The following ADGRB3 variants were observed in gnomAD, a reference collection of about 807,000 sequenced individuals.
The protein encoded by ADGRB3 is brain-specific angiogenesis inhibitor 3.
ADGRB3 carries 37 observed loss-of-function variants against 193.4 expected under a neutral mutation model. The ratio of observed to expected loss-of-function variants is 0.19; its 90% confidence interval spans 0.15 to 0.25. The LOEUF (loss-of-function observed/expected upper bound fraction) is 0.25. ADGRB3 is among the 10% of genes least tolerant of loss of function. The pLI is 1.00. For missense variants in ADGRB3, 1,637 were observed against 1,852.9 expected (o/e 0.88, Z 2.14); for synonymous variants, 690 against 644.2 (o/e 1.07, Z -1.08).
intron 17 of ADGRB3, among the ~76,000 whole-genome samples, chr6:69,104,705 T>G (rs1773161768): frequency 6.6e-6 from 1 of 152,152 alleles, no homozygotes; most frequent in African/African-American, 2.4e-5. Flanking sequence ...ACACAATATG[T>G]GTTTCAGTAA....
intron 17 of ADGRB3, among the ~76,000 whole-genome samples, chr6:69,175,019 A>C (rs766574045): frequency 6.6e-6 from 1 of 152,164 alleles, no homozygotes; most frequent in African/African-American, 2.4e-5. Flanking sequence ...CCCTTGTCAC[A>C]TGCATACTTT....
chr6:68,659,090 C>T (rs1369765558), intron 3 of ADGRB3, among the ~76,000 whole-genome samples: 2 of 150,598 alleles, frequency 1.3e-5, no homozygotes, highest in Admixed American at 6.6e-5. Context: ...TTTTATTTAC[C>T]TGAGAACCAA....
In ADGRB3 at chr6:68,839,063, CTCTCTCTG is replaced by C. The variant is rs1478602543; in HGVS notation, c.758-91485_758-91478del. On this transcript the variant is annotated intron_variant, in intron 3 of 31. Transcript: ENST00000370598. ...TCTCTTTCTCTCTCTCTTCCTTCCT[CTCTCTCTG>C]TCTCTCTGTCACACACACACACACA... Among the ~76,000 whole-genome samples, 6 of 107,338 alleles carry C rather than the reference CTCTCTCTG, an allele frequency of 5.6e-5. No homozygotes were observed. The East Asian group carries it at 1.1e-3, about 19-fold the overall frequency. 70.4% of individuals were successfully genotyped at this position (107,338 alleles called of 152,430 possible). A position where few individuals can be genotyped will look rare whatever the true frequency, so the allele number is the denominator to read the frequency against.
chr6:69,354,746 T>A (rs1442364754), intron 27 of ADGRB3, among the ~76,000 whole-genome samples: 1 of 152,142 alleles, frequency 6.6e-6, no homozygotes, highest in Non-Finnish European at 1.5e-5. Flanking sequence ...AATCAAAATA[T>A]TGGGAGTAGG....
intron 16 of ADGRB3, among the ~76,000 whole-genome samples, chr6:69,065,963 T>C (rs1771891866): frequency 6.6e-6 from 1 of 152,090 alleles, no homozygotes; most frequent in South Asian, 2.1e-4. Flanking sequence ...CACTGTATTA[T>C]GGTATTAGGT....
chr6:68,884,024 T>C (rs567644093), intron 3 of ADGRB3, among the ~76,000 whole-genome samples: 1 of 149,038 alleles, frequency 6.7e-6, no homozygotes, highest in African/African-American at 2.4e-5. Context: ...TTTTAAAAAA[T>C]GATTTGACTA....
At chr6:69,256,253 G>C (rs932980879) in intron 20 of ADGRB3, among the ~76,000 whole-genome samples, 2 of 151,882 alleles carry the variant, frequency 1.3e-5, no homozygotes, top group African/African-American at 4.8e-5. Context: ...GTCATTGGTA[G>C]CTTGATGGGG....
At chr6:69,140,522 G>T (rs764580137) in intron 17 of ADGRB3, among the ~76,000 whole-genome samples, 8 of 152,122 alleles carry the variant, frequency 5.3e-5, no homozygotes, top group Non-Finnish European at 1.0e-4. Context: ...GCGCCAGGAG[G>T]AAGTGGGGTG....
chr6:69,000,128 G>A (rs1769524110), intron 11 of ADGRB3, among the ~76,000 whole-genome samples: 1 of 152,018 alleles, frequency 6.6e-6, no homozygotes, highest in Non-Finnish European at 1.5e-5. Flanking sequence ...AGCCTGTCCA[G>A]CTATCTTAGT....
intron 20 of ADGRB3, among the ~76,000 whole-genome samples, chr6:69,264,518 T>G (rs1766999176): frequency 6.6e-6 from 1 of 151,978 alleles, no homozygotes; most frequent in East Asian, 1.9e-4. Context: ...ATCTCCTTTT[T>G]TTTTTATTTA....
intron 3 of ADGRB3, among the ~76,000 whole-genome samples, chr6:68,744,451 A>T (rs144086817): frequency 6.6e-6 from 1 of 152,136 alleles, no homozygotes; most frequent in East Asian, 1.9e-4. Context: ...TGTTTATTGC[A>T]GCACTATTTA....
intron 3 of ADGRB3, among the ~76,000 whole-genome samples, chr6:68,643,231 C>G (rs1768122780): frequency 6.6e-6 from 1 of 152,150 alleles, no homozygotes; most frequent in Non-Finnish European, 1.5e-5. Context: ...TTCTACTCCC[C>G]AAAGGAAGTC....
rs371523132 is a variant in ADGRB3, at chr6:69,388,670, A to C, written c.4381-33A>C. On this transcript the variant is annotated intron_variant, in intron 31 of 31. Coordinates refer to ENST00000370598, the MANE Select transcript of ADGRB3 (RefSeq NM_001704.3). ...AACTAGCGGTGATCCTGGTCATCAC[A>C]TAAATGACTCTCTTTCCCTCTCTTC... 7.5e-6 allele frequency: 12 copies of C among 1,589,816 alleles called. No homozygotes were observed. In the African/African-American group the frequency reaches 1.5e-4, roughly 20 times the overall value.
At chr6:68,730,695 C>T (rs1009293979) in intron 3 of ADGRB3, among the ~76,000 whole-genome samples, 4 of 151,588 alleles carry the variant, frequency 2.6e-5, no homozygotes, top group Admixed American at 1.3e-4. Flanking sequence ...CGGTAAAACT[C>T]AAGAGTCAAT....
intron 3 of ADGRB3, among the ~76,000 whole-genome samples, chr6:68,720,411 T>C (rs1481635434): frequency 3.3e-5 from 5 of 151,730 alleles, no homozygotes; most frequent in African/African-American, 1.2e-4. Context: ...TGACTAACCT[T>C]GGGCTTTTTA....
chr6:68,656,967 C>T (rs1712640591), intron 3 of ADGRB3, among the ~76,000 whole-genome samples: 2 of 151,476 alleles, frequency 1.3e-5, no homozygotes, highest in Admixed American at 1.3e-4. Flanking sequence ...TCTCTTAATT[C>T]AGGTTTTTTA....
chr6:69,101,942 C>A (rs1773068933), intron 17 of ADGRB3, among the ~76,000 whole-genome samples: 1 of 152,074 alleles, frequency 6.6e-6, no homozygotes, highest in South Asian at 2.1e-4. Context: ...GTAATCCCAG[C>A]ACTTTGGGAG....
At chr6:69,359,303 T>A (rs746899877) in intron 28 of ADGRB3, among the ~76,000 whole-genome samples, 3 of 151,656 alleles carry the variant, frequency 2.0e-5, no homozygotes, top group Middle Eastern at 3.4e-3. Context: ...CTATGTCATG[T>A]ATCATTACTC....
intron 3 of ADGRB3, among the ~76,000 whole-genome samples, chr6:68,918,479 A>C (rs576844475): frequency 5.3e-5 from 8 of 152,292 alleles, no homozygotes; most frequent in African/African-American, 1.7e-4. Flanking sequence ...ACCCAGATAC[A>C]AGTAAAAGAA....
Sources: gnomAD v4.1 joint callset for allele counts (sites outside exome capture counted in the v4.1 genomes callset) on GRCh38, gnomAD v4.1.1 for gene constraint, MANE v1.5 for transcripts, NCBI Gene and HGNC (gene_info 2026-07-23, HGNC 2026-07-21) for gene names.